DLG2: variants seen among roughly 807,000 people sequenced by gnomAD.
DLG2 encodes disks large homolog 2.
In DLG2, 45 loss-of-function variants were observed where a neutral mutation model predicts 132.5. The observed-to-expected ratio is 0.34, with a 90% confidence interval of 0.27 to 0.44. The LOEUF (loss-of-function observed/expected upper bound fraction) is 0.44, where lower values mean the gene tolerates loss of function less well. Among genes scored for constraint, DLG2 ranks in the 20% least tolerant of loss-of-function variants. The pLI, the probability that DLG2 is intolerant of heterozygous loss-of-function variation, is 1.00. For missense variants in DLG2, 1,045 were observed against 1,196.9 expected, an observed-to-expected ratio of 0.87 and a Z score of 1.87; for synonymous variants, 424 against 419.6, an observed-to-expected ratio of 1.01 and a Z score of -0.13.
chr11:84,148,758 G>C (rs1408522887), intron 9 of DLG2, among the ~76,000 whole-genome samples: 1 of 151,966 alleles, frequency 6.6e-6, no homozygotes, highest in Non-Finnish European at 1.5e-5. Context: ...TGGGTGAAAA[G>C]GTAGTTCAAC....
chr11:84,262,088 C>G (rs1365199444), intron 7 of DLG2, among the ~76,000 whole-genome samples: 1 of 152,082 alleles, frequency 6.6e-6, no homozygotes, highest in East Asian at 1.9e-4. Flanking sequence ...TCATTGCAAC[C>G]CTATGAAGTA....
chr11:83,986,400 T>G (rs10898187), intron 11 of DLG2, among the ~76,000 whole-genome samples: 1 of 151,596 alleles, frequency 6.6e-6, no homozygotes, highest in Non-Finnish European at 1.5e-5. Flanking sequence ...CATCATTTTT[T>G]ATGGCTGCAT....
intron 17 of DLG2, among the ~76,000 whole-genome samples, chr11:83,809,793 A>G (rs1409525035): frequency 6.6e-6 from 1 of 152,184 alleles, no homozygotes; most frequent in East Asian, 1.9e-4. Context: ...TAAGATACAA[A>G]ATACGGGTTG....
chr11:83,808,768 G>A (rs891798608), intron 17 of DLG2, among the ~76,000 whole-genome samples: 4 of 151,864 alleles, frequency 2.6e-5, no homozygotes, highest in Admixed American at 1.3e-4. Flanking sequence ...ACTGTACACC[G>A]TACACCATAC....
At chr11:84,040,037 C>T (rs1027746890) in intron 11 of DLG2, among the ~76,000 whole-genome samples, 1 of 151,628 alleles carries the variant, frequency 6.6e-6, no homozygotes, top group African/African-American at 2.4e-5. Flanking sequence ...AGTGTCTGTT[C>T]ATGTCCTTCG....
At chr11:84,832,295 T>C (rs867089771) in intron 6 of DLG2, among the ~76,000 whole-genome samples, 1 of 151,706 alleles carries the variant, frequency 6.6e-6, no homozygotes, top group African/African-American at 2.4e-5. Flanking sequence ...CACTCAGGTT[T>C]TGTAAGACTG....
At chr11:84,186,445 C>T (rs1793037) in intron 8 of DLG2, among the ~76,000 whole-genome samples, 132,542 of 151,822 alleles carry the variant, frequency 0.87, 58,083 homozygotes, top group Middle Eastern at 0.94. Flanking sequence ...AGAGTCTTCC[C>T]AAAGACAAAG....
chr11:84,618,931 C>A (rs1345189919), intron 6 of DLG2, among the ~76,000 whole-genome samples: 2 of 151,802 alleles, frequency 1.3e-5, no homozygotes, highest in Non-Finnish European at 2.9e-5. Context: ...AAATCCACTA[C>A]CCAAGAAGGC....
intron 8 of DLG2, among the ~76,000 whole-genome samples, chr11:84,243,017 C>CTCTATATATATA (rs542476924): frequency 3.4e-4 from 49 of 142,204 alleles, no homozygotes; most frequent in South Asian, 1.2e-3. Context: ...CTCTCTCTCT[C>CTCTATATATATA]TATATATATA....
At chr11:84,137,336 GA>G (rs1023923968) in intron 9 of DLG2, among the ~76,000 whole-genome samples, 26 of 151,972 alleles carry the variant, frequency 1.7e-4, no homozygotes, top group African/African-American at 6.0e-4. Context: ...TCATTAAAGA[GA>G]AAAAAATAGC....
chr11:85,620,523 G>C (rs1287726606), intron 2 of DLG2, among the ~76,000 whole-genome samples: 1 of 152,190 alleles, frequency 6.6e-6, no homozygotes, highest in Non-Finnish European at 1.5e-5. Context: ...AAATAGCCAA[G>C]TTGTGAATGC....
chr11:83,927,996 G>GAGC (rs2079312689), intron 15 of DLG2, among the ~76,000 whole-genome samples: 1 of 152,190 alleles, frequency 6.6e-6, no homozygotes, highest in Non-Finnish European at 1.5e-5. Flanking sequence ...TATGGAGGAG[G>GAGC]AGCAAAGTGG....
intron 6 of DLG2, among the ~76,000 whole-genome samples, chr11:85,071,815 CAA>C: frequency 6.6e-6 from 1 of 151,914 alleles, no homozygotes; most frequent in South Asian, 2.1e-4. Context: ...GCCTTGAAGC[CAA>C]AGAGTTCTTT....
At chr11:83,592,184 A>C (rs1351970791) in intron 19 of DLG2, among the ~76,000 whole-genome samples, 2 of 150,646 alleles carry the variant, frequency 1.3e-5, no homozygotes, top group Non-Finnish European at 3.0e-5. Flanking sequence ...CGCATCGCCA[A>C]GGCAATCCTA....
intron 6 of DLG2, among the ~76,000 whole-genome samples, chr11:84,886,598 T>C (rs959356780): frequency 1.3e-5 from 2 of 152,092 alleles, no homozygotes; most frequent in African/African-American, 4.8e-5. Flanking sequence ...TGTATAAACT[T>C]GGAATTTATC....
chr11:84,718,810 C>T (rs2061493050), intron 6 of DLG2, among the ~76,000 whole-genome samples: 1 of 152,156 alleles, frequency 6.6e-6, no homozygotes, highest in African/African-American at 2.4e-5. Context: ...GCTATTCATT[C>T]ACATACATCT....
rs148147159 is a variant in DLG2, at chr11:84,791,356, A to G, written c.358-256625T>C. Among the ~76,000 whole-genome samples, 1,217 of 152,314 alleles carry G rather than the reference A, an allele frequency of 8.0e-3. 5 individuals are homozygous for G. Among genetic ancestry groups the G allele is most frequent in the Non-Finnish European group, 0.012 (812 of 68,020 alleles). ...ATTGTGGTTACTATAACTCTGTAGT[A>G]CAATTTGAAGTCAGGTAATGTGATT... On this transcript the variant is annotated intron_variant, in intron 6 of 27. Coordinates refer to ENST00000376104, the MANE Select transcript of DLG2 (RefSeq NM_001142699.3).
chr11:85,511,879 A>G (rs988257941), intron 3 of DLG2, among the ~76,000 whole-genome samples: 4 of 151,976 alleles, frequency 2.6e-5, no homozygotes, highest in African/African-American at 9.7e-5. Context: ...GACTATAGGC[A>G]CGTGCCACCA....
chr11:84,241,601 G>GA (rs998830283), intron 8 of DLG2, among the ~76,000 whole-genome samples: 145 of 147,440 alleles, frequency 9.8e-4, no homozygotes, highest in African/African-American at 2.3e-3. Flanking sequence ...TCAAAAAGAA[G>GA]AAAAAAAAAA....
Sources: allele counts gnomAD v4.1 joint callset (sites outside exome capture counted in the v4.1 genomes callset), GRCh38; gene constraint gnomAD v4.1.1; transcripts MANE v1.5; gene names NCBI Gene and HGNC (gene_info 2026-07-23, HGNC 2026-07-21).